Variants in CNTN5 observed in about 807,000 individuals in gnomAD.
CNTN5 encodes contactin-5.
CNTN5 carries 77 observed loss-of-function variants against 129.1 expected under a neutral mutation model. The observed-to-expected ratio is 0.60, with a 90% CI of 0.50 to 0.72. CNTN5 has a LOEUF of 0.72. Among genes scored for constraint, CNTN5 ranks in the 30% least tolerant of loss-of-function variants. The pLI, the probability that CNTN5 is intolerant of heterozygous loss-of-function variation, is 0.00. For missense variants in CNTN5, 1,478 were observed against 1,328.8 expected (o/e 1.11, Z -1.75); for synonymous variants, 509 against 465.6 (o/e 1.09, Z -1.20).
chr11:100,275,898 G>C (rs1482466477), intron 18 of CNTN5, among the ~76,000 whole-genome samples: 1 of 152,158 alleles, frequency 6.6e-6, no homozygotes, highest in Non-Finnish European at 1.5e-5. Context: ...TGCCTGTTTT[G>C]TCAGGCAGCA....
chr11:99,759,384 A>C (rs1349328300), intron 3 of CNTN5, among the ~76,000 whole-genome samples: 1 of 152,032 alleles, frequency 6.6e-6, no homozygotes, highest in East Asian at 1.9e-4. Context: ...ATCATTTAAA[A>C]CAAATTCAGA....
chr11:99,077,796 A>G (rs776565151), intron 1 of CNTN5, among the ~76,000 whole-genome samples: 8 of 152,122 alleles, frequency 5.3e-5, no homozygotes, highest in Non-Finnish European at 1.0e-4. Flanking sequence ...TGCTAGGAAC[A>G]TCTCCTTCCT....
chr11:100,321,595 A>G (rs1951697614), intron 21 of CNTN5, among the ~76,000 whole-genome samples: 1 of 152,120 alleles, frequency 6.6e-6, no homozygotes, highest in African/African-American at 2.4e-5. Context: ...ATTGAAGAGA[A>G]GTGGCAAGAG....
intron 3 of CNTN5, among the ~76,000 whole-genome samples, chr11:99,686,985 CT>C: frequency 6.6e-6 from 1 of 152,270 alleles, no homozygotes; most frequent in East Asian, 1.9e-4. Flanking sequence ...TCTGCTCAGA[CT>C]CTCACAGAAA....
At chr11:99,251,485 TA>T (rs987276418) in intron 1 of CNTN5, among the ~76,000 whole-genome samples, 30 of 151,862 alleles carry the variant, frequency 2.0e-4, no homozygotes, top group Non-Finnish European at 3.7e-4. Context: ...TCTTTTTTTT[TA>T]ATGTGTAACC....
chr11:99,213,483 CAT>C (rs35627812), intron 1 of CNTN5, among the ~76,000 whole-genome samples: 23,791 of 136,500 alleles, frequency 0.17, 2,157 homozygotes, highest in Middle Eastern at 0.28. Context: ...TATATACACA[CAT>C]ATATATATAT....
At chr11:99,867,491 A>G (rs1331250810) in intron 6 of CNTN5, among the ~76,000 whole-genome samples, 1 of 152,172 alleles carries the variant, frequency 6.6e-6, no homozygotes, top group East Asian at 1.9e-4. Context: ...ACTGCATTCC[A>G]TTATGGAGGC....
At chr11:99,196,799 G>C (rs1252258226) in intron 1 of CNTN5, among the ~76,000 whole-genome samples, 2 of 151,766 alleles carry the variant, frequency 1.3e-5, no homozygotes, top group African/African-American at 4.8e-5. Context: ...TTTAAAACTT[G>C]TTTAACTTAA....
intron 8 of CNTN5, among the ~76,000 whole-genome samples, chr11:99,985,525 G>T (rs940952561): frequency 6.6e-6 from 1 of 152,132 alleles, no homozygotes; most frequent in African/African-American, 2.4e-5. Flanking sequence ...GCAACATTCA[G>T]TTGGTAAGAA....
intron 3 of CNTN5, among the ~76,000 whole-genome samples, chr11:99,734,746 A>G (rs1277539815): frequency 4.6e-5 from 7 of 151,226 alleles, no homozygotes; most frequent in African/African-American, 1.7e-4. Flanking sequence ...GAAGGGAATA[A>G]TCCCTAATTC....
At chr11:99,578,236 C>A (rs1259563658) in intron 3 of CNTN5, among the ~76,000 whole-genome samples, 1 of 151,964 alleles carries the variant, frequency 6.6e-6, no homozygotes, top group South Asian at 2.1e-4. Context: ...CATTGTTGGA[C>A]ATTTGGCTTG....
chr11:99,858,594 T>C (rs958613897), intron 6 of CNTN5, among the ~76,000 whole-genome samples: 4 of 69,866 alleles, frequency 5.7e-5, no homozygotes, highest in African/African-American at 2.2e-4. Flanking sequence ...AGAAATAGAA[T>C]AAATGTGCTT....
At chr11:100,350,528 A>G (rs1043310183) in intron 23 of CNTN5, among the ~76,000 whole-genome samples, 174 bp from the exon 24 acceptor site, 1 of 151,704 alleles carries the variant, frequency 6.6e-6, no homozygotes, top group African/African-American at 2.4e-5. Flanking sequence ...CTGTACCTCC[A>G]TGGCCCTTTT....
Position 99,914,470 on chromosome 11 carries a change from A to G in CNTN5, c.578-1584A>G, listed in dbSNP as rs1221199114. Among the ~76,000 whole-genome samples, 6 of 152,284 alleles carry G rather than the reference A, an allele frequency of 3.9e-5. No individual in the cohort carries two copies. In the East Asian group the frequency reaches 1.2e-3, roughly 29 times the overall value. On this transcript the variant is annotated intron_variant, in intron 6 of 24. Coordinates refer to ENST00000524871, the MANE Select transcript of CNTN5 (RefSeq NM_014361.4). Reference sequence around the variant, plus strand: ...ATGTGTATGTTGTATTATCTCATACATATGAAATTCAAAAAGAGACAAGCA... The same window carrying G: ...ATGTGTATGTTGTATTATCTCATACGTATGAAATTCAAAAAGAGACAAGCA...
intron 7 of CNTN5, among the ~76,000 whole-genome samples, chr11:99,934,894 GTGTGTATA>G (rs1210909864): frequency 3.6e-4 from 3 of 8,300 alleles, no homozygotes; most frequent in African/African-American, 8.6e-4. Context: ...GTGTGTGTGT[GTGTGTATA>G]TATATATATA....
At chr11:100,001,041 G>A (rs2137469583) in intron 8 of CNTN5, among the ~76,000 whole-genome samples, 1 of 152,304 alleles carries the variant, frequency 6.6e-6, no homozygotes, top group East Asian at 1.9e-4. Context: ...CTGCTATGAA[G>A]ATCTCTGAAA....
intron 13 of CNTN5, among the ~76,000 whole-genome samples, chr11:100,083,766 A>C (rs763913773): frequency 2.6e-5 from 4 of 152,122 alleles, no homozygotes; most frequent in African/African-American, 9.7e-5. Context: ...AGATCAGAAG[A>C]TAAACACTTC....
chr11:99,062,671 A>AGG (rs34892443), intron 1 of CNTN5, among the ~76,000 whole-genome samples: 3 of 151,778 alleles, frequency 2.0e-5, no homozygotes, highest in African/African-American at 7.3e-5. Context: ...CAAGCATTGA[A>AGG]GGGGGTACAT....
At chr11:99,650,871 C>A (rs1263005074) in intron 3 of CNTN5, among the ~76,000 whole-genome samples, 13 of 151,850 alleles carry the variant, frequency 8.6e-5, no homozygotes, top group African/African-American at 1.4e-4. Flanking sequence ...TATCTGTAAT[C>A]TCAAATATTT....
Sources: gnomAD v4.1 joint callset for allele counts (sites outside exome capture counted in the v4.1 genomes callset) on GRCh38, gnomAD v4.1.1 for gene constraint, MANE v1.5 for transcripts, NCBI Gene and HGNC (gene_info 2026-07-23, HGNC 2026-07-21) for gene names.